The following WDR62 variants were observed in gnomAD, a reference collection of about 807,000 sequenced individuals.
WDR62 encodes the protein WD repeat domain 62.
WDR62 carries 112 observed loss-of-function variants against 160.6 expected under a neutral mutation model. That is an observed-to-expected ratio of 0.70 (90% CI 0.60 to 0.82). The LOEUF (loss-of-function observed/expected upper bound fraction) is 0.82, where lower values mean the gene tolerates loss of function less well. Among genes scored for constraint, WDR62 ranks in the 40% least tolerant of loss-of-function variants. WDR62 has a pLI of 0.00. For missense variants in WDR62, 1,819 were observed against 1,983.8 expected (o/e 0.92, Z 1.58); for synonymous variants, 792 against 815.1 (o/e 0.97, Z 0.48).
At position 36,055,093 on chromosome 19, in the gene WDR62, G is replaced by C; in HGVS notation, c.122G>C (p.Cys41Ser). 6.2e-7 allele frequency: 1 copy of C among 1,605,160 alleles called. No individual in the cohort carries two copies. The highest frequency in any genetic ancestry group is 1.1e-5 in the South Asian group (1 of 89,980). The change falls in exon 1 of 32, where the codon TGC (cysteine) becomes TCC (serine). Residue 41 changes from cysteine to serine, a missense_variant. Physicochemically the swap from Cys to Ser is moderately radical, Grantham distance 112. Transcript: ENST00000401500. ...TCCCCGCCCCCCGCCCCACCAATCT[G>C]CCTACGGCGGCGGACGCGACTCTCG... ...QSSPPPAPPICLRRRTRLSTA... is the reference protein window; with the variant it reads ...QSSPPPAPPISLRRRTRLSTA...
At chr19:36,081,880 G>A (rs1971923243) in intron 10 of WDR62, 1 of 522,442 alleles carries the variant, frequency 1.9e-6, no homozygotes, top group Non-Finnish European at 3.7e-6. Context: ...CCTAAGTCTT[G>A]AGATGGAATT....
At chr19:36,069,162 G>A (rs1377531714) in intron 7 of WDR62, among the ~76,000 whole-genome samples, 2 of 145,882 alleles carry the variant, frequency 1.4e-5, no homozygotes, top group African/African-American at 2.8e-5. Context: ...GCGGCTGGCC[G>A]GGCGGGGGCT....
At chr19:36,099,766 C>A in intron 22 of WDR62, 149 bp downstream of exon 22, 1 of 806,352 alleles carries the variant, frequency 1.2e-6, no homozygotes, top group Non-Finnish European at 2.0e-6. Context: ...GTCTGTTGCA[C>A]AGCAAGACTT....
chr19:36,071,810 C>G (rs1599770707), intron 8 of WDR62, 94 bp downstream of exon 8: 1 of 1,470,230 alleles, frequency 6.8e-7, no homozygotes, highest in Non-Finnish European at 9.1e-7. Context: ...ATCTGTCTGT[C>G]CATCCCACAA....
intron 4 of WDR62, 50 bp downstream of exon 4, chr19:36,066,065 A>G (rs756611227): frequency 1.7e-5 from 27 of 1,606,092 alleles, no homozygotes; most frequent in Non-Finnish European, 2.2e-5. Context: ...GGGGTCTTGG[A>G]AGCCATTCCT....
chr19:36,084,593 AAGTGGT>A, intron 11 of WDR62, 54 bp from the exon 12 acceptor site: 1 of 1,533,596 alleles, frequency 6.5e-7, no homozygotes, highest in Non-Finnish European at 9.0e-7. Context: ...CCTATTCTAG[AAGTGGT>A]AGAGCACATG....
chr19:36,101,209 T>C lies in WDR62; in HGVS notation c.2868-5T>C, dbSNP rs200044688. On this transcript the variant is annotated splice_region_variant and splice_polypyrimidine_tract_variant and intron_variant, in intron 23 of 31. Transcript: ENST00000401500. ...GTTCCCTCTCTGCCCCCACTGGCAC[T>C]GCAGCCAGTATTGCAGGAAGGAGGT... 8.7e-6 allele frequency: 14 copies of C among 1,609,410 alleles called. No individual in the cohort carries two copies. The highest frequency in any genetic ancestry group is 1.3e-5 in the African/African-American group (1 of 74,886).
In WDR62 at chr19:36,103,555, GCCACACTGGC is replaced by G. The variant is rs767667321; in HGVS notation, c.3731_3740del (p.Thr1244SerfsTer51). On this transcript the variant is annotated frameshift_variant, in exon 30 of 32. Transcript: ENST00000401500. LOFTEE classifies it high-confidence loss of function. ...CGGTGACAGTGAGGGCCCTATCGTG[GCCACACTGGC>G]CCAGCCCCTCCGTAGGCCATCGTCC... is the stretch of plus-strand genomic sequence containing the variant. 6 of 1,613,964 alleles carry G rather than the reference GCCACACTGGC, an allele frequency of 3.7e-6. No individual in the cohort carries two copies. In the Admixed American group the frequency reaches 1.0e-4, roughly 27 times the overall value.
chr19:36,081,959 C>T, intron 10 of WDR62: 1 of 422,882 alleles, frequency 2.4e-6, no homozygotes. Flanking sequence ...GGGGTATGGG[C>T]AGAATGCTGG....
At chr19:36,076,550 C>G (rs1971576926) in intron 9 of WDR62, among the ~76,000 whole-genome samples, 1 of 149,118 alleles carries the variant, frequency 6.7e-6, no homozygotes, top group South Asian at 2.1e-4. Flanking sequence ...AGAGGGAGAT[C>G]CTATCTCAAA....
At chr19:36,080,415 ATTTTTTAT>A (rs1971829592) in intron 9 of WDR62, among the ~76,000 whole-genome samples, 1 of 150,316 alleles carries the variant, frequency 6.7e-6, no homozygotes, top group Non-Finnish European at 1.5e-5. Context: ...TGCCCGGCCT[ATTTTTTAT>A]TTTTTTATTT....
intron 7 of WDR62, among the ~76,000 whole-genome samples, chr19:36,069,105 G>GGCTGGCC: frequency 6.8e-6 from 1 of 146,466 alleles, no homozygotes; most frequent in Admixed American, 6.8e-5. Flanking sequence ...CGGACGGAGC[G>GGCTGGCC]GCTGGCCGGG....
intron 20 of WDR62, 84 bp from the exon 21 acceptor site, chr19:36,096,943 G>A (rs1973003160): frequency 7.7e-7 from 1 of 1,292,390 alleles, no homozygotes; most frequent in Non-Finnish European, 1.1e-6. Context: ...TTGTGGTGTT[G>A]CCTCTTTGGG....
At chr19:36,101,903 C>T in intron 25 of WDR62, 111 bp from the exon 26 acceptor site, 1 of 1,567,206 alleles carries the variant, frequency 6.4e-7, no homozygotes, top group Non-Finnish European at 8.7e-7. Context: ...TGCTTCTCAG[C>T]CTGCGGGCAA....
chr19:36,086,138 C>T (rs1972216813), intron 12 of WDR62, among the ~76,000 whole-genome samples: 2 of 152,096 alleles, frequency 1.3e-5, no homozygotes, highest in Non-Finnish European at 2.9e-5. Flanking sequence ...ACCAACTTGT[C>T]TTGAAACATA....
At position 36,094,094 on chromosome 19, in the gene WDR62, G is replaced by A; in HGVS notation, c.2397G>A (p.Glu799=). The stretch of plus-strand genomic sequence containing the variant: ...CCCTGAGCCCTGGAGAGCAAACAGA[G>A]GATGATCTGGAGGAAGAGTGTGAGC... ...IHSLSPGEQT[E]DDLEEECEPE... The change falls in exon 20 of 32, where the codon GAG becomes GAA. Residue 799 remains glutamate (E), a synonymous_variant. Transcript: ENST00000401500. 1 of 1,614,178 alleles carries A rather than the reference G, an allele frequency of 6.2e-7. No homozygotes were observed. Among genetic ancestry groups the A allele is most frequent in the African/African-American group, 1.3e-5 (1 of 75,040 alleles).
Position 36,071,564 on chromosome 19 carries a change from G to C in WDR62, c.891G>C (p.Leu297=). ...LEKWINLKVS[L]SSCLCVSQEL... ...CCCTTTTGCCCCTACAGGTCTCCCT[G>C]TCTTCCTGCCTCTGTGTCAGCCAGG... The change falls in exon 8 of 32, where the codon CTG becomes CTC. Residue 297 remains leucine, a synonymous_variant. Coordinates refer to ENST00000401500, the MANE Select transcript of WDR62 (RefSeq NM_001083961.2). 6.2e-7 allele frequency: 1 copy of C among 1,614,216 alleles called. No individual in the cohort carries two copies.
rs2051799 is a variant in WDR62 at position 36,088,705 on chromosome 19, G to A, written c.1769-333G>A. ...CGAGCCTCCCAGCCTGTCTCCACTG[G>A]TCGCTGCTGCAGTCCTGCCTCTACT... is the stretch of plus-strand genomic sequence containing the variant. On this transcript the variant is annotated intron_variant, in intron 13 of 31. Transcript: ENST00000401500. 2.0e-5 allele frequency among the ~76,000 whole-genome samples: 3 copies of A among 152,222 alleles called. No homozygotes were observed. The East Asian group carries it at 5.8e-4, about 29-fold the overall frequency.
Position 36,103,849 on chromosome 19 carries a change from G to A in WDR62, c.4021G>A (p.Gly1341Ser), listed in dbSNP as rs200685905. ...GGAAGAGAGCGCCCTGAGGCTCCAC[G>A]GCTCTGCCTTTCGCCCAAGTCTCCC... ...PVEESALRLH[G>S]SAFRPSLPAP... The change falls in exon 30 of 32, where the codon GGC (glycine) becomes AGC (serine). Residue 1341 changes from glycine (G) to serine (S), a missense_variant. Transcript: ENST00000401500. The A allele has an allele frequency of 4.8e-5, 77 of 1,604,404 alleles. No homozygotes were observed. The highest frequency in any genetic ancestry group is 1.3e-4 in the East Asian group (6 of 44,856).
Sources: allele counts gnomAD v4.1 joint callset (sites outside exome capture counted in the v4.1 genomes callset), GRCh38; gene constraint gnomAD v4.1.1; transcripts MANE v1.5; gene names NCBI Gene and HGNC (gene_info 2026-07-23, HGNC 2026-07-21).